The following TLL1 variants were observed in gnomAD, a reference collection of about 807,000 sequenced individuals.
TLL1 encodes tolloid-like protein 1.
TLL1 carries 49 observed loss-of-function variants against 128.2 expected under a neutral mutation model. The observed-to-expected ratio is 0.38, with a 90% CI of 0.30 to 0.48. TLL1 has a LOEUF of 0.48. TLL1 is among the 20% of genes least tolerant of loss of function. The probability of loss-of-function intolerance (pLI) is 0.96; values close to 1 mark genes in which losing one functional copy is unlikely to be tolerated. For missense variants in TLL1, 1,123 were observed against 1,242.0 expected (o/e 0.90, Z 1.44); for synonymous variants, 454 against 418.8 (o/e 1.08, Z -1.03).
intron 10 of TLL1, 152 bp downstream of exon 10, chr4:166,039,593 A>T: frequency 1.5e-6 from 1 of 653,510 alleles, no homozygotes; most frequent in Non-Finnish European, 2.7e-6. Flanking sequence ...CCATACCAAA[A>T]ATACTCAAAG....
intron 1 of TLL1, among the ~76,000 whole-genome samples, chr4:165,950,281 T>C (rs1734450461): frequency 6.6e-6 from 1 of 152,102 alleles, no homozygotes; most frequent in South Asian, 2.1e-4. Context: ...TCACAAGATA[T>C]GAAGCAAGAA....
At chr4:165,956,049 G>A (rs1335515017) in intron 1 of TLL1, among the ~76,000 whole-genome samples, 1 of 152,040 alleles carries the variant, frequency 6.6e-6, no homozygotes, top group African/African-American at 2.4e-5. Flanking sequence ...ACAGGGAGTA[G>A]ATACAAAGAT....
At chr4:165,969,838 G>A (rs905738831) in intron 1 of TLL1, among the ~76,000 whole-genome samples, 9 of 152,082 alleles carry the variant, frequency 5.9e-5, no homozygotes, top group South Asian at 2.1e-4. Context: ...AGTTTAACTC[G>A]TCCTTTGAAG....
At chr4:165,968,449 A>G (rs1243395229) in intron 1 of TLL1, among the ~76,000 whole-genome samples, 1 of 152,152 alleles carries the variant, frequency 6.6e-6, no homozygotes, top group Non-Finnish European at 1.5e-5. Flanking sequence ...TTCTCTACAT[A>G]GGAATACAGA....
At chr4:166,056,827 C>T (rs2111112983) in intron 13 of TLL1, among the ~76,000 whole-genome samples, 1 of 152,252 alleles carries the variant, frequency 6.6e-6, no homozygotes, top group Middle Eastern at 3.4e-3. Flanking sequence ...TTTGACAATG[C>T]TCAGTTAGCA....
intron 9 of TLL1, among the ~76,000 whole-genome samples, chr4:166,032,548 A>G (rs980329641): frequency 5.9e-5 from 9 of 152,126 alleles, no homozygotes; most frequent in East Asian, 3.8e-4. Context: ...GACTTCTGTC[A>G]TATACTTGTA....
chr4:165,903,412 GTT>G (rs563542442), intron 1 of TLL1, among the ~76,000 whole-genome samples: 3 of 125,280 alleles, frequency 2.4e-5, no homozygotes, highest in Non-Finnish European at 3.4e-5. Flanking sequence ...TCTTTTTCTT[GTT>G]TTTTTTTTTT....
chr4:165,909,569 T>C (rs1197418496), intron 1 of TLL1, among the ~76,000 whole-genome samples: 2 of 152,178 alleles, frequency 1.3e-5, no homozygotes, highest in South Asian at 2.1e-4. Flanking sequence ...CCGATACTTA[T>C]GCAGTTGCTT....
chr4:165,895,633 TAAAAAAAAAAAA>T (rs57920393), intron 1 of TLL1, among the ~76,000 whole-genome samples: 12 of 68,442 alleles, frequency 1.8e-4, no homozygotes, highest in African/African-American at 3.0e-4. Context: ...AGACTTTTTG[TAAAAAAAAAAAA>T]AAAAAAAAAA....
At chr4:166,019,652 C>T (rs1738120540) in intron 8 of TLL1, among the ~76,000 whole-genome samples, 1 of 151,962 alleles carries the variant, frequency 6.6e-6, no homozygotes, top group African/African-American at 2.4e-5. Context: ...TAAGTGGGGC[C>T]TTGGGTCCAA....
intron 1 of TLL1, among the ~76,000 whole-genome samples, chr4:165,976,492 A>G (rs1181409158): frequency 6.6e-6 from 1 of 152,238 alleles, no homozygotes; most frequent in South Asian, 2.1e-4. Context: ...ATATTAATTT[A>G]CATAGACAAT....
chr4:165,930,886 T>C (rs1733483613), intron 1 of TLL1, among the ~76,000 whole-genome samples: 1 of 152,224 alleles, frequency 6.6e-6, no homozygotes, highest in Admixed American at 6.5e-5. Flanking sequence ...ATATGTAGTA[T>C]AGTGACTGTA....
At chr4:165,991,622 T>C (rs565013612) in intron 2 of TLL1, among the ~76,000 whole-genome samples, 2 of 152,120 alleles carry the variant, frequency 1.3e-5, no homozygotes, top group Admixed American at 1.3e-4. Flanking sequence ...AAGGACTTAT[T>C]TGATTTTTCC....
At chr4:165,909,754 C>A (rs903710875) in intron 1 of TLL1, among the ~76,000 whole-genome samples, 5 of 152,090 alleles carry the variant, frequency 3.3e-5, no homozygotes, top group Admixed American at 3.3e-4. Flanking sequence ...AGTGATCAAA[C>A]ATTTTTATTT....
chr4:165,916,627 G>T (rs1313672217), intron 1 of TLL1, among the ~76,000 whole-genome samples: 2 of 152,116 alleles, frequency 1.3e-5, no homozygotes, highest in African/African-American at 4.8e-5. Flanking sequence ...TTTCAACTTT[G>T]CTGCATGATT....
chr4:165,906,558 G>A (rs1019023426), intron 1 of TLL1, among the ~76,000 whole-genome samples: 4 of 152,130 alleles, frequency 2.6e-5, no homozygotes. Flanking sequence ...TTAATAAACA[G>A]TGAAATTATA....
At chr4:166,052,637 G>T (rs750804792) in intron 12 of TLL1, among the ~76,000 whole-genome samples, 2 of 151,962 alleles carry the variant, frequency 1.3e-5, no homozygotes, top group Non-Finnish European at 2.9e-5. Flanking sequence ...ACAAGATGTT[G>T]CTTCCTTCAT....
At chr4:166,044,553 A>G (rs1256297094) in intron 12 of TLL1, 2 of 889,656 alleles carry the variant, frequency 2.2e-6, no homozygotes, top group Non-Finnish European at 3.3e-6. Flanking sequence ...ATTATGTTGT[A>G]TTTTATGCTC....
intron 6 of TLL1, among the ~76,000 whole-genome samples, chr4:166,003,883 T>G (rs1434894777): frequency 6.6e-6 from 1 of 152,032 alleles, no homozygotes; most frequent in East Asian, 1.9e-4. Flanking sequence ...AAATATTTCT[T>G]TTTTACTGAA....
Sources: gnomAD v4.1 joint callset for allele counts (sites outside exome capture counted in the v4.1 genomes callset) on GRCh38, gnomAD v4.1.1 for gene constraint, MANE v1.5 for transcripts, NCBI Gene and HGNC (gene_info 2026-07-23, HGNC 2026-07-21) for gene names.